Variants in ISLR2 observed in about 807,000 individuals in gnomAD.
The protein encoded by ISLR2 is immunoglobulin superfamily containing leucine rich repeat 2.
In ISLR2, 16 loss-of-function variants were observed where a neutral mutation model predicts 25.5. That is an observed-to-expected ratio of 0.63 (90% CI 0.43 to 0.95). The LOEUF is 0.95. ISLR2 is among the 40% of genes least tolerant of loss of function. The probability of loss-of-function intolerance (pLI) is 0.00; values close to 1 mark genes in which losing one functional copy is unlikely to be tolerated. For missense variants in ISLR2, 883 were observed against 1,030.7 expected (o/e 0.86, Z 1.96); for synonymous variants, 508 against 486.6 (o/e 1.04, Z -0.58).
chr15:74,108,412 G>A (rs940170012), intron 2 of ISLR2, among the ~76,000 whole-genome samples: 1 of 152,152 alleles, frequency 6.6e-6, no homozygotes, highest in African/African-American at 2.4e-5. Flanking sequence ...GGGGGCACCA[G>A]GATACCCTGG....
chr15:74,111,138 T>TG (rs2072163791), intron 2 of ISLR2, among the ~76,000 whole-genome samples: 1 of 60,708 alleles, frequency 1.6e-5, no homozygotes, highest in East Asian at 5.4e-4. Flanking sequence ...AGACTCCATC[T>TG]AAAAAAAAAA....
intron 2 of ISLR2, among the ~76,000 whole-genome samples, chr15:74,114,658 T>C (rs1276772129): frequency 6.6e-6 from 1 of 151,610 alleles, no homozygotes; most frequent in African/African-American, 2.4e-5. Flanking sequence ...CTGCAACCTC[T>C]ACATGTGGCC....
chr15:74,124,422 C>T (rs1189245414), upstream of ISLR2, among the ~76,000 whole-genome samples: 2 of 151,994 alleles, frequency 1.3e-5, no homozygotes, highest in African/African-American at 2.4e-5. Flanking sequence ...GCTGTGGCTT[C>T]GGAAAAGAGA....
At chr15:74,114,559 G>A (rs2072196161) in intron 2 of ISLR2, among the ~76,000 whole-genome samples, 1 of 151,772 alleles carries the variant, frequency 6.6e-6, no homozygotes, top group South Asian at 2.1e-4. Context: ...TGAAGTGGAG[G>A]TGGCAGTGAG....
chr15:74,111,590 CTATTCATT>C (rs1183803729), intron 2 of ISLR2, among the ~76,000 whole-genome samples: 2 of 145,292 alleles, frequency 1.4e-5, no homozygotes, highest in African/African-American at 5.1e-5. Context: ...TGCCAGGCCT[CTATTCATT>C]CATTCATTCA....
At chr15:74,122,278 G>C (rs922959052) in intron 2 of ISLR2, among the ~76,000 whole-genome samples, 1 of 152,238 alleles carries the variant, frequency 6.6e-6, no homozygotes, top group African/African-American at 2.4e-5. Context: ...GTGACTCTCT[G>C]ATCCTTGAAG....
chr15:74,106,483 G>T (rs548631463), intron 2 of ISLR2, among the ~76,000 whole-genome samples: 1 of 152,250 alleles, frequency 6.6e-6, no homozygotes, highest in Non-Finnish European at 1.5e-5. Context: ...AGGAGTGCCT[G>T]CTTCTCCAGG....
chr15:74,130,281 G>A (rs975066660), upstream of ISLR2: 1 of 152,110 alleles, frequency 6.6e-6, no homozygotes, highest in Non-Finnish European at 1.5e-5. Context: ...AAATGGTAGG[G>A]AGGGTGCGGC....
chr15:74,121,959 G>T (rs926732178), intron 2 of ISLR2, among the ~76,000 whole-genome samples: 1 of 152,184 alleles, frequency 6.6e-6, no homozygotes, highest in Admixed American at 6.5e-5. Context: ...TCTAGTGCCC[G>T]TGGGCAATGG....
At chr15:74,103,866 C>G (rs907297420) in exon 2 of ISLR2, 3 of 150,010 alleles carry the variant, frequency 2.0e-5, no homozygotes, top group Non-Finnish European at 4.4e-5. Context: ...TTGCTCGGCT[C>G]TCCTTCTCTC....
rs926435010 is a variant in ISLR2 at position 74,134,320 on chromosome 15, C to T, written c.1566C>T (p.Pro522=). 26 of 1,533,660 alleles carry T rather than the reference C, an allele frequency of 1.7e-5. No homozygotes were observed. Among genetic ancestry groups the T allele is most frequent in the Non-Finnish European group, 2.3e-5 (26 of 1,142,928 alleles). Residue 522 remains proline, a synonymous_variant, in exon 3 of 3, where the codon CCC becomes CCT. Coordinates refer to ENST00000453268, the MANE Select transcript of ISLR2 (RefSeq NM_020851.3). The part of the protein sequence containing the change: ...GPGGAGGAPR[P]GRRPLRLLYL... Reference sequence around the variant, plus strand: ...GCGGGGCTGGCGGAGCCCCGCGACCCGGGCGGCGACCCCTGCGCCTACTCT... The same window carrying T: ...GCGGGGCTGGCGGAGCCCCGCGACCTGGGCGGCGACCCCTGCGCCTACTCT...
intron 2 of ISLR2, among the ~76,000 whole-genome samples, chr15:74,107,345 G>T (rs1343527111): frequency 3.9e-5 from 6 of 152,220 alleles, no homozygotes; most frequent in Non-Finnish European, 8.8e-5. Flanking sequence ...AGTCCCCTCA[G>T]TCATGGGCTG....
downstream of ISLR2, among the ~76,000 whole-genome samples, chr15:74,139,775 T>C (rs182425904): frequency 3.5e-4 from 53 of 152,280 alleles, no homozygotes; most frequent in Non-Finnish European, 1.3e-4. Flanking sequence ...GTATGCTTCA[T>C]GTGCTGTGCT....
At chr15:74,111,861 G>T (rs2072170875) in intron 2 of ISLR2, among the ~76,000 whole-genome samples, 2 of 152,138 alleles carry the variant, frequency 1.3e-5, no homozygotes, top group South Asian at 4.1e-4. Context: ...GCAGGAGGGG[G>T]ATTTTCGTGG....
Position 74,134,338 on chromosome 15 carries a change from C to T in ISLR2, c.1584C>T (p.Arg528=). Residue 528 remains arginine, a synonymous_variant, in exon 3 of 3, where the codon CGC becomes CGT. Coordinates refer to ENST00000453268, the MANE Select transcript of ISLR2 (RefSeq NM_020851.3). ...CGCGACCCGGGCGGCGACCCCTGCG[C>T]CTACTCTATCTGTGTCCAGCGGGGG... The part of the protein sequence containing the change: ...GAPRPGRRPL[R]LLYLCPAGGG... 2 of 1,575,212 alleles carry T rather than the reference C, an allele frequency of 1.3e-6. No individual in the cohort carries two copies. Among genetic ancestry groups the T allele is most frequent in the Non-Finnish European group, 1.7e-6 (2 of 1,163,308 alleles).
intron 2 of ISLR2, chr15:74,131,823 T>G (rs768253131): frequency 2.0e-5 from 3 of 152,298 alleles, no homozygotes; most frequent in Non-Finnish European, 4.4e-5. Flanking sequence ...GCAGCCCTTC[T>G]TCTCCCCTCA....
chr15:74,133,851 C>T lies in ISLR2; in HGVS notation c.1097C>T (p.Thr366Met). The T allele has an allele frequency of 6.2e-7, 1 of 1,613,194 alleles. No individual in the cohort carries two copies. Residue 366 changes from threonine to methionine, a missense_variant, in exon 3 of 3, where the codon ACG becomes ATG. Thr to Met is a moderately conservative substitution (Grantham distance 81). Around this residue, in one of 2 missense-constraint regions of ISLR2, gnomAD observed 612 missense variants for 642.8 expected, o/e 0.95. Coordinates refer to ENST00000453268, the MANE Select transcript of ISLR2 (RefSeq NM_020851.3). Reference sequence around the variant, plus strand: ...CACAATGAGCTGGGCGCCAACTCTACGTCAATACGCGTGGCGGTGGCAGCA... The same window carrying T: ...CACAATGAGCTGGGCGCCAACTCTATGTCAATACGCGTGGCGGTGGCAGCA... ...RAHNELGANS[T>M]SIRVAVAATG...
intron 1 of ISLR2, among the ~76,000 whole-genome samples, chr15:74,102,915 C>T (rs2141923718): frequency 6.6e-6 from 1 of 151,440 alleles, no homozygotes; most frequent in South Asian, 2.1e-4. Flanking sequence ...TCAAGCAATT[C>T]TCCTGCCTCA....
upstream of ISLR2, chr15:74,128,653 A>G (rs1042431106): frequency 6.6e-6 from 3 of 456,230 alleles, no homozygotes; most frequent in African/African-American, 4.0e-5. Flanking sequence ...AAAGAAAGAA[A>G]ATAGGTAAAA....
Sources: gnomAD v4.1 joint callset for allele counts (sites outside exome capture counted in the v4.1 genomes callset) on GRCh38, gnomAD v4.1.1 for gene constraint, gnomAD v4.1.1 regional missense constraint, MANE v1.5 for transcripts, NCBI Gene and HGNC (gene_info 2026-07-23, HGNC 2026-07-21) for gene names.